Variants in ADAM10 observed in about 807,000 individuals in gnomAD.
ADAM10 encodes the protein ADAM metallopeptidase domain 10.
A neutral mutation model predicts 90.1 loss-of-function variants in ADAM10; 17 were observed. The ratio of observed to expected loss-of-function variants is 0.19; its 90% CI spans 0.13 to 0.28. The LOEUF (loss-of-function observed/expected upper bound fraction) is 0.28. ADAM10 is among the 10% of genes least tolerant of loss of function. ADAM10 has a pLI of 1.00. For missense variants in ADAM10, 610 were observed against 914.3 expected, an observed-to-expected ratio of 0.67 and a Z score of 4.29; for synonymous variants, 310 against 298.6, an observed-to-expected ratio of 1.04 and a Z score of -0.40.
At chr15:58,607,341 A>G (rs1244428871) in intron 14 of ADAM10, among the ~76,000 whole-genome samples, 5 of 152,268 alleles carry the variant, frequency 3.3e-5, no homozygotes, top group Non-Finnish European at 7.3e-5. Context: ...TTTCCAAATG[A>G]CATCTAAGGA....
chr15:58,737,504 T>C (rs1020867357), intron 1 of ADAM10, among the ~76,000 whole-genome samples: 16 of 152,162 alleles, frequency 1.1e-4, no homozygotes, highest in Admixed American at 2.0e-4. Context: ...TGATAACTAC[T>C]ATTTGACTTT....
At chr15:58,744,853 CCAA>C (rs1350361961) in intron 1 of ADAM10, among the ~76,000 whole-genome samples, 2 of 151,872 alleles carry the variant, frequency 1.3e-5, no homozygotes, top group African/African-American at 2.4e-5. Context: ...CTAACCAAGA[CCAA>C]CAACAACAAC....
At chr15:58,689,952 C>CAA (rs1555418399) in intron 2 of ADAM10, among the ~76,000 whole-genome samples, 51 of 108,920 alleles carry the variant, frequency 4.7e-4, no homozygotes, top group Admixed American at 1.9e-3. Flanking sequence ...AGACCCCCCC[C>CAA]AAAAAAAAAA....
chr15:58,631,294 A>G (rs1170775488), intron 9 of ADAM10, among the ~76,000 whole-genome samples: 1 of 152,178 alleles, frequency 6.6e-6, no homozygotes, highest in African/African-American at 2.4e-5. Flanking sequence ...ACCATCTACT[A>G]CGGATACAGA....
chr15:58,749,454 C>A lies in ADAM10; in HGVS notation c.55+26G>T, dbSNP rs1042188426. ...CGCCGCTCCGCCGTGGTCGCGGCGC[C>A]CCCGGCGCTCGCAGTCGTGCCTCAC... On this transcript the variant is annotated intron_variant, in intron 1 of 15. Transcript: ENST00000260408. The A allele has an allele frequency of 4.6e-6, 7 of 1,526,152 alleles. No homozygotes were observed. In the African/African-American group the frequency reaches 9.9e-5, roughly 22 times the overall value. The allele number at this position is 1,526,152 out of a possible 1,614,324, so 94.5% of individuals were successfully genotyped here. A position where few individuals can be genotyped will look rare whatever the true frequency, so the allele number is the denominator to read the frequency against.
chr15:58,727,115 A>T (rs28818840), intron 1 of ADAM10, among the ~76,000 whole-genome samples: 21,548 of 149,036 alleles, frequency 0.14, 1,797 homozygotes, highest in South Asian at 0.33. Context: ...CAAGCAACCC[A>T]GTCACCTTAG....
chr15:58,604,113 G>C (rs1895196005), intron 14 of ADAM10, among the ~76,000 whole-genome samples: 1 of 152,048 alleles, frequency 6.6e-6, no homozygotes. Context: ...TGTAATCCTA[G>C]CACTGTGGGA....
intron 5 of ADAM10, among the ~76,000 whole-genome samples, chr15:58,664,254 TA>T (rs1164994690): frequency 6.6e-6 from 1 of 152,114 alleles, no homozygotes; most frequent in Non-Finnish European, 1.5e-5. Flanking sequence ...ATCCTATACT[TA>T]ACCCTCTCCT....
Position 58,646,109 on chromosome 15 carries a change from C to A in ADAM10, c.681G>T (p.Gln227His). The A allele has an allele frequency of 6.2e-7, 1 of 1,613,722 alleles. No individual in the cohort carries two copies. Among genetic ancestry groups the A allele is most frequent in the South Asian group, 1.1e-5 (1 of 91,066 alleles). ...AEKNTCQLYI[Q>H]TDHLFFKYYG... ...AATATTTAAAGAACAAATGATCAGT[C>A]TGAATATAAAGCTGACAAGTATTTT... The change falls in exon 6 of 16, where the codon CAG becomes CAT. Residue 227 changes from glutamine (Q) to histidine (H), a missense_variant. Coordinates refer to ENST00000260408, the MANE Select transcript of ADAM10 (RefSeq NM_001110.4).
At chr15:58,647,941 T>C (rs1896593571) in intron 5 of ADAM10, among the ~76,000 whole-genome samples, 1 of 152,220 alleles carries the variant, frequency 6.6e-6, no homozygotes, top group South Asian at 2.1e-4. Flanking sequence ...TTAAGTATTT[T>C]TGATGGCACA....
chr15:58,624,415 CAAAT>C (rs1354356234), intron 10 of ADAM10, among the ~76,000 whole-genome samples: 3 of 152,040 alleles, frequency 2.0e-5, no homozygotes, highest in Admixed American at 6.5e-5. Flanking sequence ...TATAAGAAAA[CAAAT>C]AACGAAGTCA....
chr15:58,702,685 T>C lies in ADAM10; in HGVS notation c.206+14892A>G, dbSNP rs186887498. ...TGATTTAAATTGGATTAAAACCACA[T>C]ATAAAATCAGTTCTCAAGTATATAT... On this transcript the variant is annotated intron_variant, in intron 2 of 15. Transcript: ENST00000260408. Among the ~76,000 whole-genome samples, 112 of 152,300 alleles carry C rather than the reference T, an allele frequency of 7.4e-4. 2 individuals are homozygous for C. The highest frequency in any genetic ancestry group is 6.0e-3 in the Admixed American group (91 of 15,284).
chr15:58,697,914 G>A (rs1319824238), intron 2 of ADAM10, among the ~76,000 whole-genome samples: 1 of 152,060 alleles, frequency 6.6e-6, no homozygotes, highest in African/African-American at 2.4e-5. Context: ...CACTATTAAC[G>A]CTGTAAACAG....
At chr15:58,649,750 T>G (rs1367673714) in intron 5 of ADAM10, among the ~76,000 whole-genome samples, 1 of 152,216 alleles carries the variant, frequency 6.6e-6, no homozygotes, top group African/African-American at 2.4e-5. Context: ...TCAAATAATG[T>G]GCTATGGTAT....
intron 4 of ADAM10, among the ~76,000 whole-genome samples, chr15:58,666,671 C>G (rs1486985698): frequency 6.7e-6 from 1 of 149,342 alleles, no homozygotes; most frequent in Non-Finnish European, 1.5e-5. Context: ...TATAGGGGAA[C>G]AAAAAAAAAC....
intron 2 of ADAM10, among the ~76,000 whole-genome samples, chr15:58,701,495 G>A (rs12441912): frequency 0.14 from 21,106 of 152,098 alleles, 1,743 homozygotes; most frequent in South Asian, 0.32. Context: ...ACAAATGCTG[G>A]CGAGAATGTG....
At position 58,749,639 on chromosome 15, in the gene ADAM10, G is replaced by A. The variant is rs1899916096; in HGVS notation, c.-105C>T. The A allele has an allele frequency of 6.5e-7, 1 of 1,529,360 alleles. No homozygotes were observed. Among genetic ancestry groups the A allele is most frequent in the African/African-American group, 1.4e-5 (1 of 72,006 alleles). The allele number at this position is 1,529,360 out of a possible 1,614,324, so 94.7% of individuals were successfully genotyped here. ...GCTTGGTCCGGAGCCTCCACGGGAA[G>A]CCGGGACCTCCCCTGGCAGGAGAAA... On this transcript the variant is annotated 5_prime_UTR_variant, in exon 1 of 16. Coordinates refer to ENST00000260408, the MANE Select transcript of ADAM10 (RefSeq NM_001110.4).
At chr15:58,624,901 C>A (rs1313365874) in intron 10 of ADAM10, among the ~76,000 whole-genome samples, 2 of 152,108 alleles carry the variant, frequency 1.3e-5, no homozygotes, top group Admixed American at 1.3e-4. Flanking sequence ...AAAAAATTTT[C>A]TTTCCTGTTA....
At position 58,627,812 on chromosome 15, in the gene ADAM10, G is replaced by A. The variant is rs186635943; in HGVS notation, c.1248C>T (p.Ile416=). 22 of 1,613,668 alleles carry A rather than the reference G, an allele frequency of 1.4e-5. No homozygotes were observed. The highest frequency in any genetic ancestry group is 1.7e-5 in the Non-Finnish European group (20 of 1,179,746). The change falls in exon 10 of 16, where the codon ATC becomes ATT. Residue 416 remains isoleucine (I), a synonymous_variant. Coordinates refer to ENST00000260408, the MANE Select transcript of ADAM10 (RefSeq NM_001110.4). ...NLGQKENGNY[I]MYARATSGDK... is the part of the protein sequence containing the mutation. ...CCCCAGATGTTGCTCTTGCATACAT[G>A]ATGTAATTGCCATTTTCTTTTTGAC...
Sources: gnomAD v4.1 joint callset for allele counts (sites outside exome capture counted in the v4.1 genomes callset) on GRCh38, gnomAD v4.1.1 for gene constraint, MANE v1.5 for transcripts, NCBI Gene and HGNC (gene_info 2026-07-23, HGNC 2026-07-21) for gene names.